The following GPBP1 variants were observed in gnomAD, a reference collection of about 807,000 sequenced individuals.
GPBP1 encodes the protein GC-rich promoter binding protein 1.
Under a neutral mutation model 56.5 loss-of-function variants are expected in GPBP1, and 13 were observed. The observed-to-expected ratio is 0.23, with a 90% CI of 0.15 to 0.37. The LOEUF (loss-of-function observed/expected upper bound fraction) is 0.37, where lower values mean the gene tolerates loss of function less well. Among genes scored for constraint, GPBP1 ranks in the 10% least tolerant of loss-of-function variants. The pLI, the probability that GPBP1 is intolerant of heterozygous loss-of-function variation, is 1.00. For missense variants in GPBP1, 477 were observed against 572.3 expected (o/e 0.83, Z 1.70); for synonymous variants, 204 against 188.9 (o/e 1.08, Z -0.66).
chr5:57,217,058 C>G (rs970219054), intron 3 of GPBP1, among the ~76,000 whole-genome samples: 5 of 152,136 alleles, frequency 3.3e-5, no homozygotes, highest in African/African-American at 4.8e-5. Flanking sequence ...TTAAAATTGT[C>G]TATTTTTAAG....
rs1248906879 is a variant in GPBP1 at position 57,264,004 on chromosome 5, A to T, written c.*1252A>T. 1 of 152,148 alleles carries T rather than the reference A, an allele frequency of 6.6e-6. No homozygotes were observed. The highest frequency in any genetic ancestry group is 2.4e-5 in the African/African-American group (1 of 41,446). The allele number at this position is 152,148 out of a possible 1,614,324, so 9.4% of individuals were successfully genotyped here. A position where few individuals can be genotyped will look rare whatever the true frequency, so the allele number is the denominator to read the frequency against. ...AGGTTTTATGTCAGATCTAATCTTA[A>T]GTGTTTGTTGTTTTTTAAAAAGTGT... On this transcript the variant is annotated 3_prime_UTR_variant, in exon 12 of 12. Coordinates refer to ENST00000506184, the MANE Select transcript of GPBP1 (RefSeq NM_022913.4).
intron 2 of GPBP1, among the ~76,000 whole-genome samples, chr5:57,211,924 C>A (rs1410087336): frequency 4.0e-5 from 6 of 150,464 alleles, no homozygotes; most frequent in African/African-American, 1.5e-4. Flanking sequence ...AAATTTGTTA[C>A]CAATTTTAAT....
At chr5:57,261,031 C>G in intron 10 of GPBP1, 149 bp from the exon 11 acceptor site, 1 of 499,846 alleles carries the variant, frequency 2.0e-6, no homozygotes. Context: ...GAAAGATACT[C>G]AAAGCCTGAG....
At chr5:57,180,274 C>T (rs1753982753) in intron 2 of GPBP1, among the ~76,000 whole-genome samples, 1 of 152,044 alleles carries the variant, frequency 6.6e-6, no homozygotes, top group Admixed American at 6.6e-5. Flanking sequence ...GCTGCCATGC[C>T]CAGCTAATTT....
At chr5:57,253,858 A>G (rs966194806) in intron 10 of GPBP1, among the ~76,000 whole-genome samples, 2 of 152,212 alleles carry the variant, frequency 1.3e-5, no homozygotes, top group African/African-American at 4.8e-5. Flanking sequence ...TCCTGGACTC[A>G]AGTGATACTC....
At chr5:57,244,807 T>A (rs1277331088) in intron 6 of GPBP1, among the ~76,000 whole-genome samples, 2 of 150,488 alleles carry the variant, frequency 1.3e-5, no homozygotes, top group African/African-American at 4.9e-5. Context: ...GATCTCGGCT[T>A]ACTGCAACTT....
intron 10 of GPBP1, 96 bp from the exon 11 acceptor site, chr5:57,261,084 G>A: frequency 1.3e-6 from 1 of 786,342 alleles, no homozygotes; most frequent in Non-Finnish European, 2.2e-6. Context: ...TTGTATAATG[G>A]ATCCTGGTGG....
chr5:57,223,952 G>T (rs1437177695), intron 3 of GPBP1, among the ~76,000 whole-genome samples: 1 of 151,312 alleles, frequency 6.6e-6, no homozygotes, highest in Non-Finnish European at 1.5e-5. Context: ...TCCTGCCTCA[G>T]CCTCCCGAGT....
chr5:57,184,406 C>T (rs1754196420), intron 2 of GPBP1, among the ~76,000 whole-genome samples: 1 of 152,004 alleles, frequency 6.6e-6, no homozygotes, highest in Non-Finnish European at 1.5e-5. Flanking sequence ...TGCTTGGCTT[C>T]TGGTGAGGCC....
At chr5:57,230,390 C>A (rs181166919) in intron 3 of GPBP1, among the ~76,000 whole-genome samples, 5 of 152,000 alleles carry the variant, frequency 3.3e-5, no homozygotes, top group East Asian at 1.9e-4. Context: ...TATTTTGATA[C>A]CTTTTTAAAA....
chr5:57,184,721 C>A (rs74647630), intron 2 of GPBP1, among the ~76,000 whole-genome samples: 4 of 152,148 alleles, frequency 2.6e-5, no homozygotes, highest in African/African-American at 9.7e-5. Context: ...TGTGTAACTG[C>A]AGAATCAGAA....
At chr5:57,178,359 C>T (rs979090314) in intron 2 of GPBP1, among the ~76,000 whole-genome samples, 1 of 152,082 alleles carries the variant, frequency 6.6e-6, no homozygotes, top group East Asian at 1.9e-4. Flanking sequence ...GCGATTCTGC[C>T]TCAGCCTCGC....
chr5:57,215,375 G>C (rs140970207), intron 3 of GPBP1, among the ~76,000 whole-genome samples: 2 of 152,320 alleles, frequency 1.3e-5, no homozygotes, highest in East Asian at 3.9e-4. Flanking sequence ...TGAGTTTTCT[G>C]TGTCTTTCCC....
chr5:57,239,649 G>C (rs1403220503), intron 6 of GPBP1, among the ~76,000 whole-genome samples: 1 of 152,072 alleles, frequency 6.6e-6, no homozygotes, highest in East Asian at 1.9e-4. Flanking sequence ...GCGTGGTACT[G>C]TGTGCCTGTA....
chr5:57,194,821 C>T (rs746795002), intron 2 of GPBP1, among the ~76,000 whole-genome samples: 78 of 152,072 alleles, frequency 5.1e-4, no homozygotes, highest in Admixed American at 5.9e-4. Flanking sequence ...TTGTTGCAAA[C>T]GACAGGATTT....
At chr5:57,177,908 C>T (rs1010944614) in intron 2 of GPBP1, among the ~76,000 whole-genome samples, 1 of 151,926 alleles carries the variant, frequency 6.6e-6, no homozygotes. Flanking sequence ...ATCCTGCTAG[C>T]TCCCATAGAG....
chr5:57,224,776 AAG>A (rs1398352984), intron 3 of GPBP1, among the ~76,000 whole-genome samples: 1 of 152,036 alleles, frequency 6.6e-6, no homozygotes, highest in Non-Finnish European at 1.5e-5. Context: ...GCTTTCCCCT[AAG>A]AGTAATTAAA....
intron 10 of GPBP1, among the ~76,000 whole-genome samples, chr5:57,256,659 G>A (rs909616309): frequency 6.6e-6 from 1 of 152,146 alleles, no homozygotes; most frequent in Non-Finnish European, 1.5e-5. Flanking sequence ...TTCAGATTTG[G>A]TAGCCGCTAG....
intron 5 of GPBP1, among the ~76,000 whole-genome samples, chr5:57,231,680 C>T (rs781699772): frequency 2.0e-5 from 3 of 152,178 alleles, no homozygotes; most frequent in African/African-American, 4.8e-5. Flanking sequence ...GCGATTCATT[C>T]TTGATAATTT....
Sources: allele counts gnomAD v4.1 joint callset (sites outside exome capture counted in the v4.1 genomes callset), GRCh38; gene constraint gnomAD v4.1.1; transcripts MANE v1.5; gene names NCBI Gene and HGNC (gene_info 2026-07-23, HGNC 2026-07-21).